Variants in CEP85L observed in about 807,000 individuals in gnomAD.
The protein encoded by CEP85L is centrosomal protein 85L.
In CEP85L, 60 loss-of-function variants were observed where a neutral mutation model predicts 100.3. That is an observed-to-expected ratio of 0.60 (90% CI 0.49 to 0.74). The LOEUF (loss-of-function observed/expected upper bound fraction) is 0.74. CEP85L is among the 30% of genes least tolerant of loss of function. The probability of loss-of-function intolerance (pLI) is 0.00; values close to 1 mark genes in which losing one functional copy is unlikely to be tolerated. For missense variants in CEP85L, 973 were observed against 936.2 expected, an observed-to-expected ratio of 1.04 and a Z score of -0.51; for synonymous variants, 319 against 322.7, an observed-to-expected ratio of 0.99 and a Z score of 0.12.
At chr6:118,481,545 T>C (rs757761625) in intron 8 of CEP85L, among the ~76,000 whole-genome samples, 4 of 152,096 alleles carry the variant, frequency 2.6e-5, no homozygotes, top group Non-Finnish European at 4.4e-5. Context: ...AGATTTTGGA[T>C]TGTCAGAATT....
At chr6:118,466,220 T>C (rs766780450) in intron 12 of CEP85L, among the ~76,000 whole-genome samples, 5 of 152,222 alleles carry the variant, frequency 3.3e-5, no homozygotes, top group Non-Finnish European at 7.3e-5. Context: ...TTTGTAAGCA[T>C]ATCTCAACAT....
rs536872952 is a variant in CEP85L at position 118,533,849 on chromosome 6, C to G, written c.1021-9929G>C. On this transcript the variant is annotated intron_variant, in intron 3 of 12. Transcript: ENST00000368491. ...GTGGCTCACACCTGTAATCCTAGCA[C>G]TTTTGGAGGCCGAGGCAGGTGGATC... Among the ~76,000 whole-genome samples, 75 of 152,274 alleles carry G rather than the reference C, an allele frequency of 4.9e-4. 1 individual carries two copies. The highest frequency in any genetic ancestry group is 1.8e-3 in the African/African-American group (73 of 41,566).
chr6:118,614,142 C>T (rs1232285090), intron 2 of CEP85L, among the ~76,000 whole-genome samples: 1 of 152,072 alleles, frequency 6.6e-6, no homozygotes, highest in Non-Finnish European at 1.5e-5. Flanking sequence ...TAAATCAATT[C>T]ATTGAGGAAA....
At chr6:118,701,908 G>A (rs1412139431) in intron 1 of CEP85L, among the ~76,000 whole-genome samples, 1 of 152,256 alleles carries the variant, frequency 6.6e-6, no homozygotes, top group East Asian at 1.9e-4. Flanking sequence ...GAATAAAATT[G>A]GGGTTTCTAT....
chr6:118,687,251 G>A (rs1266828911), intron 1 of CEP85L, among the ~76,000 whole-genome samples: 1 of 152,116 alleles, frequency 6.6e-6, no homozygotes, highest in Non-Finnish European at 1.5e-5. Context: ...TTGAGACAGA[G>A]TTTCACTCTT....
chr6:118,559,929 A>C (rs1318450154), intron 3 of CEP85L: 2 of 167,058 alleles, frequency 1.2e-5, no homozygotes, highest in African/African-American at 4.8e-5. Context: ...TCTGAGCTAG[A>C]GTTACCTAGC....
intron 1 of CEP85L, among the ~76,000 whole-genome samples, chr6:118,639,622 CCAA>C (rs1306698278): frequency 1.3e-5 from 2 of 152,134 alleles, no homozygotes; most frequent in Non-Finnish European, 2.9e-5. Context: ...ATTCAAAATT[CCAA>C]CAACATTTAA....
intron 4 of CEP85L, among the ~76,000 whole-genome samples, chr6:118,516,713 G>C (rs1776302146): frequency 6.6e-6 from 1 of 152,122 alleles, no homozygotes. Context: ...TCACTCTGAT[G>C]ATAGTTTCTT....
At chr6:118,477,069 C>T (rs948688391) in intron 10 of CEP85L, among the ~76,000 whole-genome samples, 1 of 151,862 alleles carries the variant, frequency 6.6e-6, no homozygotes, top group Non-Finnish European at 1.5e-5. Context: ...AACATTCTAC[C>T]GCAAAATGTC....
intron 1 of CEP85L, among the ~76,000 whole-genome samples, chr6:118,637,396 A>T (rs1004275819): frequency 6.6e-6 from 1 of 151,950 alleles, no homozygotes; most frequent in African/African-American, 2.4e-5. Flanking sequence ...AAACCACATA[A>T]ATCATCAAAT....
intron 3 of CEP85L, among the ~76,000 whole-genome samples, chr6:118,538,695 ACTTT>A (rs61632927): frequency 0.46 from 70,022 of 151,390 alleles, 16,640 homozygotes; most frequent in Middle Eastern, 0.56. Context: ...ACAGTAACTT[ACTTT>A]CTTTAAGCAA....
At chr6:118,599,257 T>C (rs551911186) in intron 2 of CEP85L, among the ~76,000 whole-genome samples, 4 of 152,256 alleles carry the variant, frequency 2.6e-5, no homozygotes, top group African/African-American at 7.2e-5. Flanking sequence ...GAGCATTTTG[T>C]GGTACCCAAA....
chr6:118,483,980 C>T (rs1773987454), intron 6 of CEP85L, 122 bp from the exon 7 acceptor site: 1 of 786,488 alleles, frequency 1.3e-6, no homozygotes, highest in African/African-American at 1.7e-5. Context: ...GCGAAGGCCA[C>T]TAGCAACTCA....
At position 118,566,140 on chromosome 6, in the gene CEP85L, T is replaced by C. The variant is rs3734381; in HGVS notation, c.409A>G (p.Ser137Gly). 0.52 allele frequency: 831,735 copies of C among 1,613,772 alleles called. 219,199 individuals carry two copies. Among genetic ancestry groups the C allele is most frequent in the African/African-American group, 0.55 (41,159 of 74,920 alleles). ...AGGGAAGAGTCCTGCTCCCCCCTAC[T>C]GTGGTTTCCCAATGTTTGCATGAGG... The part of the protein sequence containing the change: ...TSLMQTLGNH[S>G]RGEQDSSLDM... Residue 137 changes from serine to glycine, a missense_variant, in exon 3 of 13, where the codon AGT becomes GGT. By Grantham distance (56) the Ser-to-Gly change is moderately conservative. Coordinates refer to ENST00000368491, the MANE Select transcript of CEP85L (RefSeq NM_001042475.3).
chr6:118,489,587 T>A (rs566706029), intron 6 of CEP85L, among the ~76,000 whole-genome samples: 1 of 152,084 alleles, frequency 6.6e-6, no homozygotes, highest in Admixed American at 6.5e-5. Context: ...AAAATGCAAA[T>A]CAAAACCATC....
chr6:118,530,419 A>T (rs923955294), intron 3 of CEP85L, among the ~76,000 whole-genome samples: 3 of 151,914 alleles, frequency 2.0e-5, no homozygotes, highest in Non-Finnish European at 2.9e-5. Context: ...GATCATACTG[A>T]ATGGGCAAAA....
At chr6:118,595,274 C>CTCATCG (rs1554227163) in intron 2 of CEP85L, among the ~76,000 whole-genome samples, 1 of 151,148 alleles carries the variant, frequency 6.6e-6, no homozygotes, top group Non-Finnish European at 1.5e-5. Flanking sequence ...CACATCTATC[C>CTCATCG]TCATTGTCGT....
At chr6:118,572,860 G>A (rs1779988341) in intron 2 of CEP85L, among the ~76,000 whole-genome samples, 1 of 151,936 alleles carries the variant, frequency 6.6e-6, no homozygotes, top group Non-Finnish European at 1.5e-5. Flanking sequence ...TCAGGAGTTA[G>A]AGACCAGCCT....
chr6:118,537,615 T>C, intron 3 of CEP85L: 1 of 985,310 alleles, frequency 1.0e-6, no homozygotes, highest in African/African-American at 1.7e-5. Flanking sequence ...TTAGATGAGA[T>C]CCGGATACTA....
Sources: allele counts gnomAD v4.1 joint callset (sites outside exome capture counted in the v4.1 genomes callset), GRCh38; gene constraint gnomAD v4.1.1; transcripts MANE v1.5; gene names NCBI Gene and HGNC (gene_info 2026-07-23, HGNC 2026-07-21).